CYBA: variants seen among roughly 807,000 people sequenced by gnomAD.
The protein encoded by CYBA is cytochrome b-245 light chain.
In CYBA, 21 loss-of-function variants were observed where a neutral mutation model predicts 20.8. The observed-to-expected ratio is 1.01, with a 90% CI of 0.72 to 1.46. CYBA has a LOEUF of 1.46. Ranked by LOEUF, CYBA falls within the 40% of genes most tolerant of loss-of-function variation. The pLI is 0.00. For missense variants in CYBA, 344 were observed against 287.0 expected, an observed-to-expected ratio of 1.20 and a Z score of -1.43; for synonymous variants, 164 against 127.5, an observed-to-expected ratio of 1.29 and a Z score of -1.93.
Position 88,650,976 on chromosome 16 carries a change from T to C in CYBA, c.38A>G (p.Gln13Arg), listed in dbSNP as rs1300026243. The change falls in exon 1 of 6, where the codon CAG (glutamine) becomes CGG (arginine). Residue 13 changes from glutamine (Q) to arginine (R), a missense_variant. Gln to Arg is a conservative substitution (Grantham distance 43). Transcript: ENST00000261623. ...CTCACTCAGGCCGGACGCCAGCGCC[T>C]GTTCGTTGGCCCACATGGCCCACTC... is the stretch of plus-strand genomic sequence containing the variant. ...QIEWAMWANE[Q>R]ALASGLILIT... 2 of 1,596,416 alleles carry C rather than the reference T, an allele frequency of 1.3e-6. No homozygotes were observed. Among genetic ancestry groups the C allele is most frequent in the Non-Finnish European group, 1.7e-6 (2 of 1,172,862 alleles).
At chr16:88,645,396 G>C in intron 5 of CYBA, 1 of 702,402 alleles carries the variant, frequency 1.4e-6, no homozygotes, top group South Asian at 1.5e-5. Flanking sequence ...GCAAGGGGAG[G>C]GCAGTTGCCT....
chr16:88,649,156 C>G (rs532838026), intron 1 of CYBA, among the ~76,000 whole-genome samples: 1 of 152,068 alleles, frequency 6.6e-6, no homozygotes, highest in Admixed American at 6.6e-5. Context: ...CCAGGATGGT[C>G]TCGATCTCCT....
At chr16:88,645,543 G>A in intron 5 of CYBA, 1 of 648,796 alleles carries the variant, frequency 1.5e-6, no homozygotes, top group Non-Finnish European at 2.8e-6. Flanking sequence ...CAGGCAGAGG[G>A]CATTTCACCC....
chr16:88,648,733 T>C (rs1907386108), intron 1 of CYBA, among the ~76,000 whole-genome samples: 1 of 150,640 alleles, frequency 6.6e-6, no homozygotes, highest in Non-Finnish European at 1.5e-5. Context: ...TTCTCCTGCC[T>C]CAGCCTCCTG....
intron 1 of CYBA, chr16:88,650,278 C>T (rs1907460435): frequency 2.3e-6 from 1 of 427,976 alleles, no homozygotes; most frequent in Non-Finnish European, 4.8e-6. Flanking sequence ...CACTCCCTGG[C>T]CCTGGTCCCG....
At chr16:88,646,247 G>A (rs1350379954) in intron 4 of CYBA, 50 bp from the exon 5 acceptor site, 5 of 1,485,098 alleles carry the variant, frequency 3.4e-6, no homozygotes, top group Middle Eastern at 3.4e-4. Context: ...ACTCAGAAAG[G>A]GGAACGGAGC....
intron 1 of CYBA, among the ~76,000 whole-genome samples, chr16:88,649,172 C>G (rs570288983): frequency 6.7e-6 from 1 of 148,186 alleles, no homozygotes; most frequent in East Asian, 2.0e-4. Flanking sequence ...CTCCTGACCT[C>G]GTGATCCGCC....
At chr16:88,645,455 C>T in intron 5 of CYBA, 2 of 700,364 alleles carry the variant, frequency 2.9e-6, no homozygotes, top group South Asian at 1.5e-5. Flanking sequence ...TTTAAATAAG[C>T]AAAGTCTGAG....
At position 88,651,051 on chromosome 16, in the gene CYBA, A is replaced by G. The variant is rs779715766; in HGVS notation, c.-38T>C. 6.4e-7 allele frequency: 1 copy of G among 1,561,306 alleles called. No homozygotes were observed. Among genetic ancestry groups the G allele is most frequent in the South Asian group, 1.2e-5 (1 of 85,998 alleles). ...CCGGCTGGGACACTGCTAGGCGCGC[A>G]CTGCCGCCCCTGCGCTCCCGGCCGA... On this transcript the variant is annotated 5_prime_UTR_variant, in exon 1 of 6. Transcript: ENST00000261623.
At chr16:88,645,707 C>T in intron 5 of CYBA, 1 of 553,798 alleles carries the variant, frequency 1.8e-6, no homozygotes. Context: ...TGCGTCCTGG[C>T]ACCGCCCATG....
Position 88,644,920 on chromosome 16 carries a change from G to T in CYBA, c.369+1196C>A. ...ACTCAAGGGAGAAGAAACTCCAACA[G>T]CTCAAATCCACAGTCAGAGAAGGGC... On this transcript the variant is annotated intron_variant, in intron 5 of 5. Coordinates refer to ENST00000261623, the MANE Select transcript of CYBA (RefSeq NM_000101.4). 3 of 566,142 alleles carry T rather than the reference G, an allele frequency of 5.3e-6. No individual in the cohort carries two copies. In the South Asian group the frequency reaches 6.5e-5, roughly 12 times the overall value. 35.1% of individuals were successfully genotyped at this position (566,142 alleles called of 1,614,324 possible).
rs1907301951 is a variant in CYBA at position 88,646,798 on chromosome 16, G to A, written c.244C>T (p.Pro82Ser). The A allele has an allele frequency of 1.9e-6, 3 of 1,613,940 alleles. No individual in the cohort carries two copies. Among genetic ancestry groups the A allele is most frequent in the Non-Finnish European group, 1.7e-6 (2 of 1,179,980 alleles). The change falls in exon 4 of 6, where the codon CCC becomes TCC. Residue 82 changes from proline (P) to serine (S), a missense_variant. Physicochemically the swap from Pro to Ser is moderately conservative, Grantham distance 74. Transcript: ENST00000261623. ...YMTAVVKLFG[P>S]FTRNYYVRAV... is the part of the protein sequence containing the mutation. ...CGAACATAGTAATTCCTGGTAAAGG[G>A]CCCGAACAGCTTCACCACGGCGGTC... is the stretch of plus-strand genomic sequence containing the variant.
intron 5 of CYBA, among the ~76,000 whole-genome samples, chr16:88,644,529 G>A (rs1907206551): frequency 6.6e-6 from 1 of 152,170 alleles, no homozygotes; most frequent in South Asian, 2.1e-4. Flanking sequence ...TGCAACTTAA[G>A]AAAAAGACAA....
intron 2 of CYBA, 89 bp from the exon 3 acceptor site, chr16:88,647,264 G>T: frequency 7.9e-7 from 1 of 1,267,754 alleles, no homozygotes; most frequent in Non-Finnish European, 1.1e-6. Context: ...AGAGGGGCCC[G>T]AGCACGGTGG....
Position 88,643,350 on chromosome 16 carries a change from A to G in CYBA, c.*3T>C. ...CTGGCGGGAGGGCAGGTCCGGGGCG[A>G]GGTCACACGACCTCGTCGGTCACCG... is the stretch of plus-strand genomic sequence containing the variant. On this transcript the variant is annotated 3_prime_UTR_variant, in exon 6 of 6. Transcript: ENST00000261623. This position sits in a 1 kb window ranked among gnomAD's most constrained non-coding sequence, Gnocchi z 4.3. 4 of 1,515,328 alleles carry G rather than the reference A, an allele frequency of 2.6e-6. No homozygotes were observed. Among genetic ancestry groups the G allele is most frequent in the Non-Finnish European group, 3.5e-6 (4 of 1,133,846 alleles). 93.9% of individuals were successfully genotyped at this position (1,515,328 alleles called of 1,614,324 possible). A position where few individuals can be genotyped will look rare whatever the true frequency, so the allele number is the denominator to read the frequency against.
chr16:88,645,693 T>C lies in CYBA; in HGVS notation c.369+423A>G, dbSNP rs959444486. 6.6e-5 allele frequency: 37 copies of C among 560,212 alleles called. 1 individual carries two copies. The highest frequency in any genetic ancestry group is 9.4e-4 in the Middle Eastern group (2 of 2,122). 34.7% of individuals were successfully genotyped at this position (560,212 alleles called of 1,614,324 possible). A position where few individuals can be genotyped will look rare whatever the true frequency, so the allele number is the denominator to read the frequency against. On this transcript the variant is annotated intron_variant, in intron 5 of 5. Coordinates refer to ENST00000261623, the MANE Select transcript of CYBA (RefSeq NM_000101.4). ...CGCAGGTGTCGGCAGTTTAAGAAAA[T>C]GTCTGCGTCCTGGCACCGCCCATGA...
chr16:88,649,755 G>A (rs549254702), intron 1 of CYBA, among the ~76,000 whole-genome samples: 32 of 152,332 alleles, frequency 2.1e-4, no homozygotes, highest in South Asian at 6.2e-4. Flanking sequence ...AGGCCAGGGC[G>A]GGCAGTGCAG....
chr16:88,645,721 C>T (rs771395930), intron 5 of CYBA: 2 of 545,734 alleles, frequency 3.7e-6, no homozygotes, highest in Non-Finnish European at 3.3e-6. Context: ...GCCCATGAAT[C>T]AGCGCGAATA....
intron 1 of CYBA, among the ~76,000 whole-genome samples, chr16:88,649,205 A>G (rs7200207): frequency 0.062 from 9,424 of 152,192 alleles, 913 homozygotes; most frequent in African/African-American, 0.21. Flanking sequence ...CCAAAGTGCT[A>G]GGATTACAGG....
Sources: allele counts gnomAD v4.1 joint callset (sites outside exome capture counted in the v4.1 genomes callset), GRCh38; gene constraint gnomAD v4.1.1; non-coding constraint Gnocchi (gnomAD v3.1); transcripts MANE v1.5; gene names NCBI Gene and HGNC (gene_info 2026-07-23, HGNC 2026-07-21).